SYTL2: variants seen among roughly 807,000 people sequenced by gnomAD.
The protein encoded by SYTL2 is synaptotagmin like 2.
A neutral mutation model predicts 198.7 loss-of-function variants in SYTL2; 165 were observed. The ratio of observed to expected loss-of-function variants is 0.83; its 90% CI spans 0.73 to 0.94. SYTL2 has a LOEUF of 0.94. SYTL2 is among the 40% of genes least tolerant of loss of function. The pLI is 0.00. For synonymous variants in SYTL2, 966 were observed against 917.7 expected (o/e 1.05, Z -0.95); for missense variants, 2,835 against 2,582.8 (o/e 1.10, Z -2.12).
intron 1 of SYTL2, among the ~76,000 whole-genome samples, chr11:85,789,803 G>A (rs2092704047): frequency 6.6e-6 from 1 of 152,008 alleles, no homozygotes; most frequent in African/African-American, 2.4e-5. Context: ...ACATTAAGCT[G>A]TAATATTATA....
intron 12 of SYTL2, among the ~76,000 whole-genome samples, chr11:85,713,989 C>A (rs1165953501): frequency 6.6e-6 from 1 of 152,192 alleles, no homozygotes; most frequent in Non-Finnish European, 1.5e-5. Context: ...AAGTGCCTGG[C>A]ACCCAGTAAA....
chr11:85,848,705 T>C, the SYTL2 span, among the ~76,000 whole-genome samples: 1 of 152,240 alleles, frequency 6.6e-6, no homozygotes, highest in Non-Finnish European at 1.5e-5. Flanking sequence ...AGGCAGCAAT[T>C]CATTGTTGCT....
At chr11:85,843,567 T>C in the SYTL2 span, among the ~76,000 whole-genome samples, 1 of 152,200 alleles carries the variant, frequency 6.6e-6, no homozygotes, top group South Asian at 2.1e-4. Flanking sequence ...AGTGTGTGTG[T>C]GCAGGCTTGG....
At chr11:85,769,649 T>C (rs1591976725) in intron 1 of SYTL2, among the ~76,000 whole-genome samples, 1 of 152,212 alleles carries the variant, frequency 6.6e-6, no homozygotes, top group African/African-American at 2.4e-5. Context: ...TCTGAGTCCA[T>C]CTGTGAGTTG....
At chr11:85,747,869 T>C (rs1452710492) in intron 3 of SYTL2, among the ~76,000 whole-genome samples, 1 of 152,208 alleles carries the variant, frequency 6.6e-6, no homozygotes, top group Admixed American at 6.5e-5. Flanking sequence ...ATAATGTACT[T>C]GGTTAATTAA....
chr11:85,717,510 G>A lies in SYTL2; in HGVS notation c.5503C>T (p.Pro1835Ser). ...CTTGGTACGCATTCATTTGTAACTG[G>A]CTTCTGATCTGGTTTCTCATCTACT... ...AEDDEKPDQK[P>S]VTNECVPRIS... is the part of the protein sequence containing the mutation. Residue 1835 changes from proline (P) to serine (S), a missense_variant, in exon 11 of 20, where the codon CCA (proline) becomes TCA (serine). Around this residue, in one of 3 missense-constraint regions of SYTL2, gnomAD observed 2,645 missense variants for 2,381.7 expected, o/e 1.11. Transcript: ENST00000359152. The A allele has an allele frequency of 6.2e-7, 1 of 1,613,036 alleles. No homozygotes were observed. The highest frequency in any genetic ancestry group is 8.5e-7 in the Non-Finnish European group (1 of 1,179,240).
intron 1 of SYTL2, among the ~76,000 whole-genome samples, chr11:85,790,691 T>G (rs2092715438): frequency 1.3e-5 from 2 of 152,184 alleles, no homozygotes; most frequent in African/African-American, 4.8e-5. Flanking sequence ...AACTTGAAGA[T>G]TCTCGCTTGT....
chr11:85,725,868 T>C lies in SYTL2; in HGVS notation c.3490A>G (p.Ser1164Gly). ...GGCCATGTCCTATTTTCAGAAACACTTGGTTCAAGCACTTGTTTTCCATGA... is the reference window on the plus strand; with the variant it reads ...GGCCATGTCCTATTTTCAGAAACACCTGGTTCAAGCACTTGTTTTCCATGA... ...KVHGKQVLEP[S>G]VSENRTWPQK... Residue 1164 changes from serine to glycine, a missense_variant, in exon 8 of 20, where the codon AGT (serine) becomes GGT (glycine). Transcript: ENST00000359152. 6.2e-7 allele frequency: 1 copy of C among 1,613,914 alleles called. No individual in the cohort carries two copies. The highest frequency in any genetic ancestry group is 8.5e-7 in the Non-Finnish European group (1 of 1,179,952).
chr11:85,836,362 C>T, the SYTL2 span, among the ~76,000 whole-genome samples: 23,984 of 151,948 alleles, frequency 0.16, 2,074 homozygotes, highest in Middle Eastern at 0.2. Context: ...CCACCATACA[C>T]GTATACATTT....
rs753898179 is a variant in SYTL2, at chr11:85,734,672, C to G, written c.657G>C (p.Lys219Asn). 1 of 1,614,156 alleles carries G rather than the reference C, an allele frequency of 6.2e-7. No homozygotes were observed. The highest frequency in any genetic ancestry group is 2.2e-5 in the East Asian group (1 of 44,886). Residue 219 changes from lysine (K) to asparagine (N), a missense_variant, in exon 7 of 20, where the codon AAG (lysine) becomes AAC (asparagine). Lys to Asn is a moderately conservative substitution (Grantham distance 94). Transcript: ENST00000359152. Reference protein sequence around the residue: ...DTSIQKLEKSKQTLPGLSNGS... With the variant: ...DTSIQKLEKSNQTLPGLSNGS... ...CATTTGAAAGGCCTGGCAAAGTCTG[C>G]TTTGATTTCTCTAACTTTTGGATTG...
chr11:85,797,545 T>C (rs372177988), intron 1 of SYTL2, among the ~76,000 whole-genome samples: 42 of 151,704 alleles, frequency 2.8e-4, no homozygotes, highest in Middle Eastern at 3.4e-3. Context: ...CAAGAATCAT[T>C]TGAACCTAGG....
chr11:85,845,919 A>C, the SYTL2 span, among the ~76,000 whole-genome samples: 1 of 152,212 alleles, frequency 6.6e-6, no homozygotes, highest in Non-Finnish European at 1.5e-5. Flanking sequence ...TGTCTCAAAA[A>C]AAAATAATAA....
At chr11:85,844,206 T>C in the SYTL2 span, among the ~76,000 whole-genome samples, 2 of 152,232 alleles carry the variant, frequency 1.3e-5, no homozygotes, top group African/African-American at 4.8e-5. Flanking sequence ...AATTTGCCTT[T>C]TGTAGACATT....
chr11:85,739,266 T>C (rs932843109), intron 4 of SYTL2, among the ~76,000 whole-genome samples: 1 of 151,508 alleles, frequency 6.6e-6, no homozygotes, highest in African/African-American at 2.4e-5. Context: ...TTTTTTTTTT[T>C]TTTTTTTAAT....
intron 4 of SYTL2, among the ~76,000 whole-genome samples, chr11:85,740,515 G>A (rs1240974791): frequency 3.3e-5 from 5 of 152,122 alleles, no homozygotes; most frequent in Middle Eastern, 3.4e-3. Flanking sequence ...TTCATAAATC[G>A]GTGCATTATT....
chr11:85,718,849 C>A lies in SYTL2; in HGVS notation c.5429-6G>T. On this transcript the variant is annotated splice_region_variant and splice_polypyrimidine_tract_variant and intron_variant, in intron 9 of 19. Coordinates refer to ENST00000359152, the MANE Select transcript of SYTL2 (RefSeq NM_206927.4). ...ATTATCTACTTTTGCTTGATCTGTTCAGAAGAAATTAACAAATGGTTAACA... is the reference window on the plus strand; with the variant it reads ...ATTATCTACTTTTGCTTGATCTGTTAAGAAGAAATTAACAAATGGTTAACA... 1 of 1,613,284 alleles carries A rather than the reference C, an allele frequency of 6.2e-7. No homozygotes were observed. The highest frequency in any genetic ancestry group is 8.5e-7 in the Non-Finnish European group (1 of 1,179,606).
chr11:85,786,012 C>T (rs1385675018), intron 1 of SYTL2, among the ~76,000 whole-genome samples: 1 of 152,184 alleles, frequency 6.6e-6, no homozygotes, highest in Non-Finnish European at 1.5e-5. Context: ...CAGTGCTCTT[C>T]AACAGGTGAA....
chr11:85,801,148 C>T (rs2092880967), intron 1 of SYTL2, among the ~76,000 whole-genome samples: 3 of 152,196 alleles, frequency 2.0e-5, no homozygotes, highest in Non-Finnish European at 4.4e-5. Context: ...CTCTAAGAAA[C>T]TCAACAGCTG....
the SYTL2 span, among the ~76,000 whole-genome samples, chr11:85,820,184 C>T: frequency 6.6e-6 from 1 of 152,194 alleles, no homozygotes; most frequent in Non-Finnish European, 1.5e-5. Context: ...ATAGAAATCT[C>T]ACATTTTTAT....
Sources: allele counts gnomAD v4.1 joint callset (sites outside exome capture counted in the v4.1 genomes callset), GRCh38; gene constraint gnomAD v4.1.1; regional missense constraint gnomAD v4.1.1; transcripts MANE v1.5; gene names NCBI Gene and HGNC (gene_info 2026-07-23, HGNC 2026-07-21).